Variants in AFF3 observed in about 807,000 individuals in gnomAD.
AFF3 encodes AF4/FMR2 family member 3.
AFF3 carries 32 observed loss-of-function variants against 129.7 expected under a neutral mutation model. That is an observed-to-expected ratio of 0.25 (90% CI 0.19 to 0.33). The LOEUF is 0.33. Ranked by LOEUF, AFF3 falls within the 10% of genes least tolerant of loss-of-function variation. The pLI is 1.00. For missense variants in AFF3, 1,373 were observed against 1,592.0 expected (o/e 0.86, Z 2.34); for synonymous variants, 644 against 635.4 (o/e 1.01, Z -0.20).
At chr2:99,834,764 C>T (rs150117602) in intron 8 of AFF3, among the ~76,000 whole-genome samples, 1 of 152,208 alleles carries the variant, frequency 6.6e-6, no homozygotes, top group East Asian at 1.9e-4. Flanking sequence ...TTTCTTGTCA[C>T]TCTCTCTCAC....
chr2:99,571,732 A>G (rs898952415), intron 18 of AFF3, among the ~76,000 whole-genome samples: 1 of 152,152 alleles, frequency 6.6e-6, no homozygotes, highest in Non-Finnish European at 1.5e-5. Flanking sequence ...TGATTGGCCC[A>G]TTTTCTCCTT....
chr2:99,965,802 CGAGCTCTCAAGAT>C (rs940586446), intron 7 of AFF3, among the ~76,000 whole-genome samples: 4 of 152,162 alleles, frequency 2.6e-5, no homozygotes, highest in African/African-American at 9.7e-5. Flanking sequence ...AGAAGTGGGG[CGAGCTCTCAAGAT>C]GACGGACATT....
chr2:99,664,516 C>A (rs561239394), intron 12 of AFF3, among the ~76,000 whole-genome samples: 1 of 152,180 alleles, frequency 6.6e-6, no homozygotes, highest in Non-Finnish European at 1.5e-5. Context: ...CCATGGAGAT[C>A]GGATAAATGC....
Position 99,989,846 on chromosome 2 carries a change from C to T in AFF3, c.873+16786G>A, listed in dbSNP as rs567624511. ...GATGCAAATAAAATCAGATAATTCA[C>T]TTGAAAGTAAGATCATTATCAGGTA... On this transcript the variant is annotated intron_variant, in intron 7 of 24. Transcript: ENST00000672756. Among the ~76,000 whole-genome samples the T allele has an allele frequency of 3.3e-5, 5 of 152,302 alleles. No individual in the cohort carries two copies. In the South Asian group the frequency reaches 1.0e-3, roughly 32 times the overall value.
intron 8 of AFF3, among the ~76,000 whole-genome samples, chr2:99,775,085 A>G (rs1230700284): frequency 6.6e-6 from 1 of 152,174 alleles, no homozygotes; most frequent in Non-Finnish European, 1.5e-5. Flanking sequence ...AAAAAATCAA[A>G]AAACAACATG....
intron 7 of AFF3, among the ~76,000 whole-genome samples, chr2:99,931,164 C>A (rs1696647352): frequency 6.6e-6 from 1 of 152,114 alleles, no homozygotes; most frequent in Non-Finnish European, 1.5e-5. Context: ...AATGTAAGGA[C>A]CCCCTTCCCA....
chr2:99,629,783 T>G (rs1438341590), intron 13 of AFF3, among the ~76,000 whole-genome samples: 1 of 152,192 alleles, frequency 6.6e-6, no homozygotes, highest in Non-Finnish European at 1.5e-5. Flanking sequence ...TGTGCTCACA[T>G]GACCTCTCCT....
At chr2:100,128,301 C>G (rs556577133) in intron 2 of AFF3, among the ~76,000 whole-genome samples, 2 of 152,192 alleles carry the variant, frequency 1.3e-5, no homozygotes, top group Admixed American at 1.3e-4. Flanking sequence ...GCGTGAGATC[C>G]AAGACCCCCT....
chr2:99,803,662 C>T (rs921276781), intron 8 of AFF3, among the ~76,000 whole-genome samples: 2 of 152,158 alleles, frequency 1.3e-5, no homozygotes, highest in South Asian at 2.1e-4. Context: ...AGAGGCATCA[C>T]ACGACATGAC....
At position 99,594,181 on chromosome 2, in the gene AFF3, T is replaced by C. The variant is rs1373608851; in HGVS notation, c.1480A>G (p.Asn494Asp). 1 of 1,614,164 alleles carries C rather than the reference T, an allele frequency of 6.2e-7. No homozygotes were observed. Among genetic ancestry groups the C allele is most frequent in the East Asian group, 2.2e-5 (1 of 44,872 alleles). The change falls in exon 15 of 25, where the codon AAT becomes GAT. Residue 494 changes from asparagine to aspartate, a missense_variant. Around this residue, in one of 9 missense-constraint regions of AFF3, gnomAD observed 413 missense variants for 424.4 expected, o/e 0.97. Coordinates refer to ENST00000672756, the MANE Select transcript of AFF3 (RefSeq NM_001386135.1). ...TCTTTCACCGGGTTGTAGTACTGAT[T>C]GCTCTCTGACCCGTGGCTTTCATTT... is the stretch of plus-strand genomic sequence containing the variant. ...IQNESHGSES[N>D]QYYNPVKEDV...
chr2:99,907,667 C>T (rs1258993527), intron 7 of AFF3, among the ~76,000 whole-genome samples: 1 of 151,146 alleles, frequency 6.6e-6, no homozygotes, highest in African/African-American at 2.4e-5. Flanking sequence ...TAGATAGGGT[C>T]TCACCCTGTC....
intron 7 of AFF3, among the ~76,000 whole-genome samples, chr2:99,976,900 C>A (rs1379998510): frequency 6.6e-6 from 1 of 151,616 alleles, no homozygotes; most frequent in Non-Finnish European, 1.5e-5. Context: ...GAAATTATTC[C>A]ACCTGGGGAG....
At chr2:99,925,059 G>T (rs908985245) in intron 7 of AFF3, among the ~76,000 whole-genome samples, 1 of 151,570 alleles carries the variant, frequency 6.6e-6, no homozygotes, top group East Asian at 1.9e-4. Context: ...ACATTTTTTT[G>T]TAGAGACAGG....
At chr2:99,582,774 G>A in intron 17 of AFF3, 24 bp downstream of exon 17, 2 of 1,612,424 alleles carry the variant, frequency 1.2e-6, no homozygotes, top group Non-Finnish European at 1.7e-6. Flanking sequence ...GGTTTTAATT[G>A]GGAAAGGAAG....
intron 7 of AFF3, among the ~76,000 whole-genome samples, chr2:99,998,779 G>A (rs17437101): frequency 0.11 from 16,373 of 152,150 alleles, 1,211 homozygotes; most frequent in Non-Finnish European, 0.15. Flanking sequence ...ACGAGGAATC[G>A]TGACAGAAAC....
intron 13 of AFF3, among the ~76,000 whole-genome samples, chr2:99,614,404 C>G (rs760385844): frequency 1.3e-5 from 2 of 152,144 alleles, no homozygotes; most frequent in Non-Finnish European, 2.9e-5. Context: ...CCTGACCAGC[C>G]CATTAGGCAT....
intron 8 of AFF3, among the ~76,000 whole-genome samples, chr2:99,796,182 TC>T (rs888396581): frequency 1.3e-5 from 2 of 152,126 alleles, no homozygotes; most frequent in African/African-American, 4.8e-5. Context: ...TATTTTATGA[TC>T]TAAACAAACC....
intron 2 of AFF3, among the ~76,000 whole-genome samples, chr2:100,109,622 C>A (rs1691445065): frequency 6.6e-6 from 1 of 152,202 alleles, no homozygotes. Flanking sequence ...GCCATTCATG[C>A]AAGTTTCAAG....
At chr2:99,636,286 G>A (rs181110143) in intron 13 of AFF3, among the ~76,000 whole-genome samples, 143 of 152,312 alleles carry the variant, frequency 9.4e-4, no homozygotes, top group African/African-American at 3.3e-3. Flanking sequence ...GGGAGGCCAT[G>A]TGGGGAGCTG....
Sources: gnomAD v4.1 joint callset for allele counts (sites outside exome capture counted in the v4.1 genomes callset) on GRCh38, gnomAD v4.1.1 for gene constraint, gnomAD v4.1.1 regional missense constraint, MANE v1.5 for transcripts, NCBI Gene and HGNC (gene_info 2026-07-23, HGNC 2026-07-21) for gene names.